BPHL: variants seen among roughly 807,000 people sequenced by gnomAD.
The protein encoded by BPHL is biphenyl hydrolase like.
A neutral mutation model predicts 31.2 loss-of-function variants in BPHL; 27 were observed. That is an observed-to-expected ratio of 0.87 (90% CI 0.64 to 1.19). The LOEUF is 1.19. BPHL is among the 50% of genes most tolerant of loss of function. The pLI is 0.00. For synonymous variants in BPHL, 150 were observed against 146.8 expected (o/e 1.02, Z -0.16); for missense variants, 356 against 375.7 (o/e 0.95, Z 0.43).
At chr6:3,123,117 G>T (rs1340032422) in intron 1 of BPHL, among the ~76,000 whole-genome samples, 1 of 152,228 alleles carries the variant, frequency 6.6e-6, no homozygotes, top group Admixed American at 6.5e-5. Context: ...GCCCCAGGCT[G>T]GGCACAATAG....
Position 3,119,794 on chromosome 6 carries a change from A to C in BPHL, c.107+947A>C, listed in dbSNP as rs531587692. ...TACTTGATCCAACATAGAAACTTTT[A>C]GTTTGAAAACTTGATTTAGAAGGAG... On this transcript the variant is annotated intron_variant, in intron 1 of 6. Transcript: ENST00000380379. Among the ~76,000 whole-genome samples the C allele has an allele frequency of 3.9e-5, 6 of 152,358 alleles. No individual in the cohort carries two copies. The South Asian group carries it at 1.0e-3, about 26-fold the overall frequency.
chr6:3,132,193 C>T (rs552737959), intron 4 of BPHL, among the ~76,000 whole-genome samples: 1 of 152,218 alleles, frequency 6.6e-6, no homozygotes, highest in Non-Finnish European at 1.5e-5. Context: ...GTGCTAGAGA[C>T]CAAGCCCCCA....
chr6:3,148,325 C>G (rs931197242), intron 6 of BPHL, among the ~76,000 whole-genome samples: 1 of 152,222 alleles, frequency 6.6e-6, no homozygotes, highest in Non-Finnish European at 1.5e-5. Flanking sequence ...GCTTCCTTGG[C>G]TGTTTGGGTC....
At chr6:3,137,262 G>C in intron 4 of BPHL, 100 bp from the exon 5 acceptor site, 2 of 1,430,844 alleles carry the variant, frequency 1.4e-6, no homozygotes, top group Non-Finnish European at 1.9e-6. Context: ...AGACGAGACA[G>C]TGAGCGCATG....
intron 3 of BPHL, among the ~76,000 whole-genome samples, chr6:3,127,664 G>A (rs1412579548): frequency 1.3e-5 from 2 of 151,942 alleles, no homozygotes; most frequent in Non-Finnish European, 2.9e-5. Flanking sequence ...TCATATTGAT[G>A]GCATCGTGCT....
At chr6:3,145,228 GCTGGTTC>G (rs1762300322) in intron 6 of BPHL, among the ~76,000 whole-genome samples, 1 of 57,456 alleles carries the variant, frequency 1.7e-5, no homozygotes, top group African/African-American at 9.2e-5. Flanking sequence ...GGGTCCGAGT[GCTGGTTC>G]GGGTGGAGTG....
intron 3 of BPHL, 106 bp downstream of exon 3, chr6:3,127,514 G>A: frequency 1.0e-6 from 1 of 981,072 alleles, no homozygotes. Context: ...AATACCATGT[G>A]ATTGCTATAG....
At chr6:3,134,792 C>T (rs1255529086) in intron 4 of BPHL, among the ~76,000 whole-genome samples, 3 of 151,764 alleles carry the variant, frequency 2.0e-5, no homozygotes, top group African/African-American at 4.8e-5. Flanking sequence ...TTAGTAGAGA[C>T]GGGGTTTCAC....
intron 1 of BPHL, among the ~76,000 whole-genome samples, chr6:3,119,090 G>C (rs1396460700): frequency 6.6e-6 from 1 of 151,728 alleles, no homozygotes; most frequent in African/African-American, 2.4e-5. Flanking sequence ...CTGGAGCCGT[G>C]GAGGCTTGGG....
rs942671467 is a variant in BPHL, at chr6:3,139,284, A to G, written c.665-1102A>G. The G allele has an allele frequency of 3.9e-5, 6 of 152,364 alleles. No individual in the cohort carries two copies. In the East Asian group the frequency reaches 7.7e-4, roughly 20 times the overall value. 9.4% of individuals were successfully genotyped at this position (152,364 alleles called of 1,614,324 possible). A position where few individuals can be genotyped will look rare whatever the true frequency, so the allele number is the denominator to read the frequency against. On this transcript the variant is annotated intron_variant, in intron 5 of 6. Transcript: ENST00000380379. ...AAGTCCTTAATGAACAAACATTTTT[A>G]TATGCTGAATGAGTTAAAACATGTA...
intron 6 of BPHL, 126 bp from the exon 7 acceptor site, chr6:3,152,362 G>A (rs1457539430): frequency 4.0e-6 from 3 of 744,636 alleles, no homozygotes; most frequent in Middle Eastern, 2.4e-4. Context: ...TTTTCTCCTC[G>A]ATAGTGGTCA....
Position 3,123,685 on chromosome 6 carries a change from G to C in BPHL, c.136G>C (p.Val46Leu). 2 of 1,613,832 alleles carry C rather than the reference G, an allele frequency of 1.2e-6. No homozygotes were observed. Among genetic ancestry groups the C allele is most frequent in the Admixed American group, 1.7e-5 (1 of 59,982 alleles). ...CTCGGTAACCTCTGCCAAAGTGGCTGTGAATGGCGTTCAGCTGCATTACCA... is the reference window on the plus strand; with the variant it reads ...CTCGGTAACCTCTGCCAAAGTGGCTCTGAATGGCGTTCAGCTGCATTACCA... ...GTSVTSAKVA[V>L]NGVQLHYQQT... Residue 46 changes from valine to leucine, a missense_variant, in exon 2 of 7, where the codon GTG becomes CTG. Transcript: ENST00000380379.
rs757966884 is a variant in BPHL, at chr6:3,153,458, G to T, written c.*883G>T. ...AGATGAATACTTTGGGCCAGTAAAG[G>T]TGAACAAAATATGTATTTTCATCAC... On this transcript the variant is annotated 3_prime_UTR_variant, in exon 7 of 7. Coordinates refer to ENST00000380379, the MANE Select transcript of BPHL (RefSeq NM_004332.4). 7.4e-6 allele frequency: 2 copies of T among 270,640 alleles called. No individual in the cohort carries two copies. Among genetic ancestry groups the T allele is most frequent in the East Asian group, 1.9e-4 (2 of 10,458 alleles). The allele number at this position is 270,640 out of a possible 1,614,324, so 16.8% of individuals were successfully genotyped here. A position where few individuals can be genotyped will look rare whatever the true frequency, so the allele number is the denominator to read the frequency against.
chr6:3,122,259 G>A (rs566642963), intron 1 of BPHL, among the ~76,000 whole-genome samples: 2 of 152,162 alleles, frequency 1.3e-5, no homozygotes, highest in African/African-American at 4.8e-5. Context: ...CAGCCTGGGC[G>A]ACAGAGTGAG....
At chr6:3,141,617 T>C (rs921307330) in intron 6 of BPHL, among the ~76,000 whole-genome samples, 4 of 152,140 alleles carry the variant, frequency 2.6e-5, no homozygotes, top group Non-Finnish European at 4.4e-5. Context: ...CCGCCTGCCT[T>C]GGCCTCCCAA....
chr6:3,145,482 A>G (rs66486546), intron 6 of BPHL, among the ~76,000 whole-genome samples: 631 of 5,228 alleles, frequency 0.12, no homozygotes, highest in Middle Eastern at 0.3. Context: ...TTGAATGCTG[A>G]TTCGGGGTGG....
rs567842356 is a variant in BPHL, at chr6:3,149,281, C to T, written c.789-3207C>T. 7.9e-5 allele frequency among the ~76,000 whole-genome samples: 12 copies of T among 152,272 alleles called. No homozygotes were observed. Among genetic ancestry groups the T allele is most frequent in the Middle Eastern group, 3.4e-3 (1 of 292 alleles). Reference sequence around the variant, plus strand: ...CCAAATGTCACAGGAAGAAAGCTTTCCTGCAGTCCAGGGCCCGACTAGGTC... The same window carrying T: ...CCAAATGTCACAGGAAGAAAGCTTTTCTGCAGTCCAGGGCCCGACTAGGTC... On this transcript the variant is annotated intron_variant, in intron 6 of 6. Transcript: ENST00000380379. This position sits in a 1 kb window ranked among gnomAD's most constrained non-coding sequence, Gnocchi z 4.6.
At chr6:3,130,702 A>C (rs150041387) in intron 4 of BPHL, among the ~76,000 whole-genome samples, 1 of 152,216 alleles carries the variant, frequency 6.6e-6, no homozygotes, top group Admixed American at 6.5e-5. Flanking sequence ...GGCCCTTTAC[A>C]TAAAAGGTGT....
chr6:3,153,540 A>C lies in BPHL; in HGVS notation c.*965A>C, dbSNP rs9503413. ...TAAAACACTAAAGCAGAAATCCTACATTGCTATTAAAATTAAACTTTGATT... is the reference window on the plus strand; with the variant it reads ...TAAAACACTAAAGCAGAAATCCTACCTTGCTATTAAAATTAAACTTTGATT... On this transcript the variant is annotated 3_prime_UTR_variant, in exon 7 of 7. Coordinates refer to ENST00000380379, the MANE Select transcript of BPHL (RefSeq NM_004332.4). 9,823 of 456,778 alleles carry C rather than the reference A, an allele frequency of 0.022. 815 individuals are homozygous for C. The highest frequency in any genetic ancestry group is 0.18 in the African/African-American group (8,985 of 50,990). The allele number at this position is 456,778 out of a possible 1,614,324, so 28.3% of individuals were successfully genotyped here. A position where few individuals can be genotyped will look rare whatever the true frequency, so the allele number is the denominator to read the frequency against.
Sources: gnomAD v4.1 joint callset for allele counts (sites outside exome capture counted in the v4.1 genomes callset) on GRCh38, gnomAD v4.1.1 for gene constraint, Gnocchi (gnomAD v3.1) non-coding constraint, MANE v1.5 for transcripts, NCBI Gene and HGNC (gene_info 2026-07-23, HGNC 2026-07-21) for gene names.